The following SLC1A3 variants were observed in gnomAD, a reference collection of about 807,000 sequenced individuals.
SLC1A3 encodes solute carrier family 1 member 3, also known as excitatory amino acid transporter 1.
In SLC1A3, 21 loss-of-function variants were observed where a neutral mutation model predicts 48.1. The observed-to-expected ratio is 0.44, with a 90% CI of 0.31 to 0.63. SLC1A3 has a LOEUF of 0.63. Ranked by LOEUF, SLC1A3 falls within the 20% of genes least tolerant of loss-of-function variation. The pLI, the probability that SLC1A3 is intolerant of heterozygous loss-of-function variation, is 0.08. For missense variants in SLC1A3, 546 were observed against 689.0 expected (o/e 0.79, Z 2.32); for synonymous variants, 239 against 251.4 (o/e 0.95, Z 0.47).
chr5:36,630,273 C>A (rs1244431395), intron 3 of SLC1A3: 1 of 152,714 alleles, frequency 6.5e-6, no homozygotes, highest in Non-Finnish European at 1.5e-5. Context: ...TGTTCTATGA[C>A]AATGAGATAA....
intron 2 of SLC1A3, among the ~76,000 whole-genome samples, chr5:36,615,200 CATCAACT>C (rs1396372301): frequency 1.3e-5 from 2 of 152,250 alleles, no homozygotes; most frequent in African/African-American, 4.8e-5. Context: ...GGCCCGGCTC[CATCAACT>C]AACTCGATTT....
Position 36,687,203 on chromosome 5 carries a change from C to T in SLC1A3, c.*934C>T, listed in dbSNP as rs1742685358. The T allele has an allele frequency of 6.6e-6, 1 of 152,092 alleles. No homozygotes were observed. 9.4% of individuals were successfully genotyped at this position (152,092 alleles called of 1,614,324 possible). On this transcript the variant is annotated 3_prime_UTR_variant, in exon 10 of 10. Coordinates refer to ENST00000265113, the MANE Select transcript of SLC1A3 (RefSeq NM_004172.5). ...GGGGGAAGTATTCCCTTCTTTCCTA[C>T]TCTGGGAAGAATGTCTCCTGCCACT... is the stretch of plus-strand genomic sequence containing the variant.
upstream of SLC1A3, among the ~76,000 whole-genome samples, chr5:36,603,818 A>C (rs1467230695): frequency 6.6e-6 from 1 of 152,224 alleles, no homozygotes; most frequent in Non-Finnish European, 1.5e-5. Context: ...AATGCAAGCT[A>C]TTTAAACAAG....
intron 4 of SLC1A3, among the ~76,000 whole-genome samples, chr5:36,672,325 G>C (rs777206560): frequency 3.3e-5 from 5 of 152,162 alleles, no homozygotes; most frequent in Non-Finnish European, 5.9e-5. Context: ...GGTCCATAGA[G>C]GCCTGGATCC....
At chr5:36,683,233 A>G (rs1274022224) in intron 8 of SLC1A3, among the ~76,000 whole-genome samples, 2 of 152,172 alleles carry the variant, frequency 1.3e-5, no homozygotes, top group South Asian at 4.1e-4. Flanking sequence ...ACTTTCAGGG[A>G]TGTTTAAAAG....
chr5:36,643,529 T>C (rs1279902548), intron 3 of SLC1A3, among the ~76,000 whole-genome samples: 2 of 152,188 alleles, frequency 1.3e-5, no homozygotes, highest in Non-Finnish European at 1.5e-5. Flanking sequence ...TGTTATTGAA[T>C]TGTAATCGTT....
chr5:36,618,550 T>G (rs1437155997), intron 2 of SLC1A3, among the ~76,000 whole-genome samples: 1 of 152,164 alleles, frequency 6.6e-6, no homozygotes, highest in Non-Finnish European at 1.5e-5. Flanking sequence ...CAGATGGGTC[T>G]CGGCTGGGCT....
At chr5:36,617,491 A>G (rs1366988503) in intron 2 of SLC1A3, among the ~76,000 whole-genome samples, 2 of 151,564 alleles carry the variant, frequency 1.3e-5, no homozygotes, top group Non-Finnish European at 2.9e-5. Context: ...CCAAAATAAA[A>G]AAATAGAAAA....
intron 6 of SLC1A3, among the ~76,000 whole-genome samples, chr5:36,678,461 G>A (rs1256864775): frequency 6.6e-6 from 1 of 152,234 alleles, no homozygotes; most frequent in African/African-American, 2.4e-5. Flanking sequence ...TTGTCTAGCT[G>A]TACATTCGCC....
chr5:36,598,053 G>C (rs1344374130), intron 1 of SLC1A3, among the ~76,000 whole-genome samples: 3 of 152,182 alleles, frequency 2.0e-5, no homozygotes, highest in Admixed American at 2.0e-4. Flanking sequence ...TTCAAACATA[G>C]TGGGAATCTG....
rs1580054884 is a variant in SLC1A3, at chr5:36,687,308, C to T, written c.*1039C>T. On this transcript the variant is annotated 3_prime_UTR_variant, in exon 10 of 10. Coordinates refer to ENST00000265113, the MANE Select transcript of SLC1A3 (RefSeq NM_004172.5). ...GTGCTTGTGGTCACACTGTGGAACA[C>T]TAAAGAGCTAGGAAAGAGTTGAGCA... 6.6e-6 allele frequency: 1 copy of T among 152,134 alleles called. No homozygotes were observed. The highest frequency in any genetic ancestry group is 2.1e-4 in the South Asian group (1 of 4,818). 9.4% of individuals were successfully genotyped at this position (152,134 alleles called of 1,614,324 possible).
At position 36,686,402 on chromosome 5, in the gene SLC1A3, A is replaced by G. The variant is rs6879542; in HGVS notation, c.*133A>G. ...TCCTCCCTTCTGATAAGACTGGAAA[A>G]TAGTCCTCCAAAACACAAGGGAGGA... On this transcript the variant is annotated 3_prime_UTR_variant, in exon 10 of 10. Transcript: ENST00000265113. The G allele has an allele frequency of 8.7e-3, 6,661 of 763,576 alleles. 315 individuals are homozygous for G. The African/African-American group carries it at 0.098, about 11-fold the overall frequency. The allele number at this position is 763,576 out of a possible 1,614,324, so 47.3% of individuals were successfully genotyped here. A position where few individuals can be genotyped will look rare whatever the true frequency, so the allele number is the denominator to read the frequency against.
In SLC1A3 at chr5:36,686,685, T is replaced by C. The variant is rs1742662041; in HGVS notation, c.*416T>C. ...CAATTCAGTTTTAGTTTCAAAATGTTAACAACTTGAATTACAACCGGTTAT... is the reference window on the plus strand; with the variant it reads ...CAATTCAGTTTTAGTTTCAAAATGTCAACAACTTGAATTACAACCGGTTAT... On this transcript the variant is annotated 3_prime_UTR_variant, in exon 10 of 10. Coordinates refer to ENST00000265113, the MANE Select transcript of SLC1A3 (RefSeq NM_004172.5). The C allele has an allele frequency of 3.7e-6, 1 of 267,766 alleles. No individual in the cohort carries two copies. Among genetic ancestry groups the C allele is most frequent in the Non-Finnish European group, 7.3e-6 (1 of 137,384 alleles). The allele number at this position is 267,766 out of a possible 1,614,324, so 16.6% of individuals were successfully genotyped here. A position where few individuals can be genotyped will look rare whatever the true frequency, so the allele number is the denominator to read the frequency against.
chr5:36,599,923 G>A (rs1738789216), intron 1 of SLC1A3, among the ~76,000 whole-genome samples: 1 of 152,098 alleles, frequency 6.6e-6, no homozygotes, highest in Non-Finnish European at 1.5e-5. Context: ...CTGGGTTGAA[G>A]CAATTCTCCT....
chr5:36,670,054 A>G (rs1429817125), intron 3 of SLC1A3: 1 of 152,166 alleles, frequency 6.6e-6, no homozygotes, highest in East Asian at 1.9e-4. Flanking sequence ...AAGTGAAGAT[A>G]CAGCTAATAA....
At chr5:36,608,698 G>A in intron 2 of SLC1A3, 94 bp downstream of exon 2, 1 of 1,557,548 alleles carries the variant, frequency 6.4e-7, no homozygotes, top group Non-Finnish European at 8.6e-7. Context: ...CTAGTTGTAG[G>A]TATCAAAATG....
intron 3 of SLC1A3, chr5:36,667,862 G>A (rs1727018156): frequency 6.6e-6 from 1 of 152,202 alleles, no homozygotes; most frequent in Non-Finnish European, 1.5e-5. Flanking sequence ...ATGTCATGAT[G>A]TCTTGAATTG....
chr5:36,642,348 G>A lies in SLC1A3; in HGVS notation c.319+12761G>A, dbSNP rs369803524. ...GTGAAGGATGCATTTCTAGCAATGT[G>A]TATCAGACTTTCAAGTACTCAAAAC... On this transcript the variant is annotated intron_variant, in intron 3 of 9. Coordinates refer to ENST00000265113, the MANE Select transcript of SLC1A3 (RefSeq NM_004172.5). Among the ~76,000 whole-genome samples, 3 of 152,192 alleles carry A rather than the reference G, an allele frequency of 2.0e-5. No homozygotes were observed. In the East Asian group the frequency reaches 5.8e-4, roughly 29 times the overall value.
intron 2 of SLC1A3, chr5:36,609,126 G>A: frequency 1.0e-6 from 1 of 986,068 alleles, no homozygotes; most frequent in Non-Finnish European, 1.2e-6. Flanking sequence ...AACTGGGAAA[G>A]GTAGATTGGG....
Sources: gnomAD v4.1 joint callset for allele counts (sites outside exome capture counted in the v4.1 genomes callset) on GRCh38, gnomAD v4.1.1 for gene constraint, MANE v1.5 for transcripts, NCBI Gene and HGNC (gene_info 2026-07-23, HGNC 2026-07-21) for gene names.